The following DEPDC4 variants were observed in gnomAD, a reference collection of about 807,000 sequenced individuals.
DEPDC4 encodes the protein DEP domain-containing protein 4.
A neutral mutation model predicts 52.0 loss-of-function variants in DEPDC4; 52 were observed. That is an observed-to-expected ratio of 1.00 (90% CI 0.80 to 1.26). The LOEUF (loss-of-function observed/expected upper bound fraction) is 1.26, where lower values mean the gene tolerates loss of function less well. Among genes scored for constraint, DEPDC4 ranks in the 50% most tolerant of loss-of-function variants. DEPDC4 has a pLI of 0.00. For synonymous variants in DEPDC4, 201 were observed against 196.8 expected (o/e 1.02, Z -0.18); for missense variants, 530 against 546.9 (o/e 0.97, Z 0.31).
Position 100,244,468 on chromosome 12 carries a change from A to G in DEPDC4, c.1454-1899T>C, listed in dbSNP as rs530752368. On this transcript the variant is annotated intron_variant, in intron 8 of 9. Transcript: ENST00000550587. ...AGTGCTGGGATTACAGTCATGAGCCACAGCATCCGGCCTATTTTATGTTTG... is the reference window on the plus strand; with the variant it reads ...AGTGCTGGGATTACAGTCATGAGCCGCAGCATCCGGCCTATTTTATGTTTG... Among the ~76,000 whole-genome samples, 939 of 151,062 alleles carry G rather than the reference A, an allele frequency of 6.2e-3. 9 individuals are homozygous for G. Among genetic ancestry groups the G allele is most frequent in the African/African-American group, 0.022 (885 of 41,146 alleles).
At chr12:100,239,267 G>A (rs979081609), downstream of DEPDC4, among the ~76,000 whole-genome samples, 3 of 152,016 alleles carry the variant, frequency 2.0e-5, no homozygotes, top group Non-Finnish European at 2.9e-5. Context: ...GTAGAGATGG[G>A]GTTTCACCAT....
intron 8 of DEPDC4, among the ~76,000 whole-genome samples, chr12:100,245,933 TTTC>T (rs767777739): frequency 6.6e-6 from 1 of 151,874 alleles, no homozygotes; most frequent in Non-Finnish European, 1.5e-5. Flanking sequence ...TTGGCAGCAG[TTTC>T]TTATTTTATT....
At chr12:100,252,656 A>G (rs1314773669) in intron 5 of DEPDC4, 120 bp from the exon 6 acceptor site, 9 of 961,998 alleles carry the variant, frequency 9.4e-6, no homozygotes, top group Non-Finnish European at 1.3e-5. Context: ...GTTCTTTTCT[A>G]CAATTAAAAT....
chr12:100,276,079 C>T, the DEPDC4 span, among the ~76,000 whole-genome samples: 112 of 152,186 alleles, frequency 7.4e-4, no homozygotes, highest in African/African-American at 2.6e-3. Context: ...TACATATTAA[C>T]GAGGGACATT....
At chr12:100,250,606 T>C (rs2096203680) in intron 7 of DEPDC4, among the ~76,000 whole-genome samples, 1 of 152,100 alleles carries the variant, frequency 6.6e-6, no homozygotes, top group African/African-American at 2.4e-5. Flanking sequence ...CTAATGTCTG[T>C]ACCATGTGTA....
the DEPDC4 span, among the ~76,000 whole-genome samples, chr12:100,274,666 C>T: frequency 6.6e-6 from 1 of 152,184 alleles, no homozygotes; most frequent in Non-Finnish European, 1.5e-5. Flanking sequence ...CCTACAGTAA[C>T]ACTGGGATGG....
upstream of DEPDC4, among the ~76,000 whole-genome samples, chr12:100,270,321 G>A (rs958978943): frequency 7.9e-5 from 12 of 152,114 alleles, no homozygotes; most frequent in African/African-American, 2.9e-4. Flanking sequence ...AGGAAGAACT[G>A]TAGACTTTAA....
chr12:100,249,293 T>C (rs1276387375), intron 7 of DEPDC4, among the ~76,000 whole-genome samples: 1 of 152,208 alleles, frequency 6.6e-6, no homozygotes, highest in Non-Finnish European at 1.5e-5. Context: ...TAACATTACA[T>C]TGTAATTACA....
At position 100,240,179 on chromosome 12, in the gene DEPDC4, C is replaced by T. The variant is rs1424058272; in HGVS notation, c.*1713G>A. Among the ~76,000 whole-genome samples, 4 of 151,642 alleles carry T rather than the reference C, an allele frequency of 2.6e-5. No homozygotes were observed. The highest frequency in any genetic ancestry group is 9.7e-5 in the African/African-American group (4 of 41,238). ...ACTTTTTTCCTTCTTTTTTTTGAGA[C>T]AGGCTTCCTTTATTGCCCAGGCTGC... On this transcript the variant is annotated 3_prime_UTR_variant, in exon 10 of 10. Coordinates refer to ENST00000550587, the MANE Select transcript of DEPDC4 (RefSeq NM_001364818.2).
At chr12:100,279,368 C>T in the DEPDC4 span, among the ~76,000 whole-genome samples, 1 of 152,248 alleles carries the variant, frequency 6.6e-6, no homozygotes, top group Non-Finnish European at 1.5e-5. Context: ...TACCGCTCAC[C>T]TCCTGCTCTG....
At chr12:100,254,319 C>CTTTTTTTTTTT (rs67921438) in intron 4 of DEPDC4, among the ~76,000 whole-genome samples, 49 of 89,386 alleles carry the variant, frequency 5.5e-4, no homozygotes, top group Non-Finnish European at 7.7e-4. Flanking sequence ...TTTTTTTTGA[C>CTTTTTTTTTTT]TTTTTTTTTT....
chr12:100,241,849 G>GAAAAAAAAAAAAAAAACAAAAA lies in DEPDC4; in HGVS notation c.*47-5_*47-4insTTTTTGTTTTTTTTTTTTTTTT. On this transcript the variant is annotated splice_polypyrimidine_tract_variant and splice_region_variant and intron_variant, in intron 9 of 9. Coordinates refer to ENST00000550587, the MANE Select transcript of DEPDC4 (RefSeq NM_001364818.2). ...AAGGGTTGGCAAAACGTAAAGCCTG[G>GAAAAAAAAAAAAAAAACAAAAA]AAAAAAAAAAAAAAAACAAAAGAAA... is the stretch of plus-strand genomic sequence containing the variant. The GAAAAAAAAAAAAAAAACAAAAA allele has an allele frequency of 9.8e-7, 1 of 1,018,648 alleles. No individual in the cohort carries two copies. Among genetic ancestry groups the GAAAAAAAAAAAAAAAACAAAAA allele is most frequent in the South Asian group, 2.2e-5 (1 of 44,762 alleles). 63.1% of individuals were successfully genotyped at this position (1,018,648 alleles called of 1,614,324 possible). A position where few individuals can be genotyped will look rare whatever the true frequency, so the allele number is the denominator to read the frequency against.
chr12:100,246,578 C>G (rs2096186397), intron 8 of DEPDC4, among the ~76,000 whole-genome samples: 1 of 152,126 alleles, frequency 6.6e-6, no homozygotes. Flanking sequence ...AAGTGAATAA[C>G]TGAATGAATA....
chr12:100,245,547 G>A (rs553188631), intron 8 of DEPDC4, among the ~76,000 whole-genome samples: 1 of 152,366 alleles, frequency 6.6e-6, no homozygotes, highest in African/African-American at 2.4e-5. Context: ...TTACAGGCAT[G>A]AGCCACTGCA....
chr12:100,267,147 G>A (rs762840258), upstream of DEPDC4: 293 of 1,521,396 alleles, frequency 1.9e-4, 1 homozygote, highest in Non-Finnish European at 2.4e-4. Flanking sequence ...GGCAGGAAGT[G>A]ACGTCATGCC....
At chr12:100,278,652 A>G in the DEPDC4 span, among the ~76,000 whole-genome samples, 5 of 123,948 alleles carry the variant, frequency 4.0e-5, no homozygotes, top group African/African-American at 1.6e-4. Flanking sequence ...TTTTTTTGAG[A>G]TGGAGTCTTG....
At chr12:100,246,457 T>C (rs1465916058) in intron 8 of DEPDC4, among the ~76,000 whole-genome samples, 2 of 152,200 alleles carry the variant, frequency 1.3e-5, no homozygotes, top group Non-Finnish European at 2.9e-5. Context: ...GCTAGTCATT[T>C]TGAATGTTAG....
intron 1 of DEPDC4, 83 bp from the exon 2 acceptor site, chr12:100,263,976 T>C (rs1203702131): frequency 8.0e-7 from 1 of 1,254,852 alleles, no homozygotes. Context: ...AACCTTATGC[T>C]TGTTGAAGGC....
At chr12:100,277,181 G>A in the DEPDC4 span, among the ~76,000 whole-genome samples, 5 of 152,122 alleles carry the variant, frequency 3.3e-5, no homozygotes, top group Non-Finnish European at 7.4e-5. Flanking sequence ...TTTAGTGAAT[G>A]TTACGTGTCT....
Sources: gnomAD v4.1 joint callset for allele counts (sites outside exome capture counted in the v4.1 genomes callset) on GRCh38, gnomAD v4.1.1 for gene constraint, MANE v1.5 for transcripts, NCBI Gene and HGNC (gene_info 2026-07-23, HGNC 2026-07-21) for gene names.